Variants in LRMDA observed in about 807,000 individuals in gnomAD.
The protein encoded by LRMDA is leucine-rich melanocyte differentiation-associated protein.
LRMDA carries 18 observed loss-of-function variants against 29.8 expected under a neutral mutation model. The observed-to-expected ratio is 0.60, with a 90% CI of 0.42 to 0.90. LRMDA has a LOEUF of 0.90. Among genes scored for constraint, LRMDA ranks in the 40% least tolerant of loss-of-function variants. The pLI, the probability that LRMDA is intolerant of heterozygous loss-of-function variation, is 0.00. For synonymous variants in LRMDA, 125 were observed against 109.4 expected, an observed-to-expected ratio of 1.14 and a Z score of -0.89; for missense variants, 273 against 273.9, an observed-to-expected ratio of 1.00 and a Z score of 0.02.
rs200041382 is a variant in LRMDA at position 76,261,461 on chromosome 10, T to C, written c.517-62940T>C. On this transcript the variant is annotated intron_variant, in intron 5 of 6. Coordinates refer to ENST00000611255, the MANE Select transcript of LRMDA (RefSeq NM_001305581.2). Reference sequence around the variant, plus strand: ...TCATGTCCATCAGAATCATATGAAATGAAAGGTGGAAGGCACTGGTTCTAA... The same window carrying C: ...TCATGTCCATCAGAATCATATGAAACGAAAGGTGGAAGGCACTGGTTCTAA... Among the ~76,000 whole-genome samples, 12 of 151,712 alleles carry C rather than the reference T, an allele frequency of 7.9e-5. No homozygotes were observed. In the East Asian group the frequency reaches 2.3e-3, roughly 29 times the overall value.
At chr10:75,744,694 T>C (rs757228929) in intron 2 of LRMDA, among the ~76,000 whole-genome samples, 1 of 152,136 alleles carries the variant, frequency 6.6e-6, no homozygotes, top group Admixed American at 6.5e-5. Flanking sequence ...ATCTGCCAAT[T>C]TGTAGTTCGG....
chr10:75,923,958 T>C (rs2132392616), intron 2 of LRMDA, among the ~76,000 whole-genome samples: 1 of 152,304 alleles, frequency 6.6e-6, no homozygotes, highest in African/African-American at 2.4e-5. Context: ...AGTCCCTTAT[T>C]CATTTCCTCG....
chr10:75,540,129 G>A (rs1480114985), intron 2 of LRMDA, among the ~76,000 whole-genome samples: 1 of 152,152 alleles, frequency 6.6e-6, no homozygotes, highest in Non-Finnish European at 1.5e-5. Context: ...AAATAAAGCA[G>A]GAGTAAAGGG....
intron 6 of LRMDA, among the ~76,000 whole-genome samples, chr10:76,337,281 C>G (rs892410563): frequency 2.6e-5 from 4 of 152,076 alleles, no homozygotes; most frequent in Admixed American, 6.5e-5. Context: ...ATGTTCTAGT[C>G]AGAGAGAGGA....
At chr10:75,622,700 C>T (rs1002866678) in intron 2 of LRMDA, among the ~76,000 whole-genome samples, 1 of 152,172 alleles carries the variant, frequency 6.6e-6, no homozygotes, top group African/African-American at 2.4e-5. Context: ...CTTACCCATT[C>T]TGAGAAAGAA....
At chr10:75,844,121 A>G (rs1399414513) in intron 2 of LRMDA, among the ~76,000 whole-genome samples, 1 of 152,162 alleles carries the variant, frequency 6.6e-6, no homozygotes, top group Non-Finnish European at 1.5e-5. Context: ...TGAAAAATCA[A>G]ATGAGAAATG....
chr10:75,872,345 C>G (rs1348440173), intron 2 of LRMDA, among the ~76,000 whole-genome samples: 2 of 151,836 alleles, frequency 1.3e-5, no homozygotes, highest in African/African-American at 4.8e-5. Flanking sequence ...GCTCTGTAGC[C>G]CAGGCTGGAG....
chr10:76,474,237 T>G (rs1167967633), intron 6 of LRMDA, among the ~76,000 whole-genome samples: 3 of 151,528 alleles, frequency 2.0e-5, no homozygotes, highest in Admixed American at 2.0e-4. Flanking sequence ...TATTAGTAAA[T>G]CAAAGCCCTA....
At chr10:76,223,685 G>C (rs1003625233) in intron 5 of LRMDA, among the ~76,000 whole-genome samples, 1 of 152,108 alleles carries the variant, frequency 6.6e-6, no homozygotes, top group Non-Finnish European at 1.5e-5. Context: ...GCTCCAGAGA[G>C]GGCTCCCACC....
intron 5 of LRMDA, among the ~76,000 whole-genome samples, chr10:76,156,185 C>T (rs1850534594): frequency 6.6e-6 from 1 of 152,132 alleles, no homozygotes; most frequent in South Asian, 2.1e-4. Context: ...GTTAATGGGG[C>T]TCTTTAGTTT....
At chr10:75,890,037 G>A (rs1019306970) in intron 2 of LRMDA, among the ~76,000 whole-genome samples, 4 of 152,116 alleles carry the variant, frequency 2.6e-5, no homozygotes, top group African/African-American at 7.2e-5. Flanking sequence ...CAGAAACATG[G>A]CCCCCTTATC....
chr10:75,786,079 G>A (rs1843467860), intron 2 of LRMDA, among the ~76,000 whole-genome samples: 1 of 152,198 alleles, frequency 6.6e-6, no homozygotes, highest in Non-Finnish European at 1.5e-5. Flanking sequence ...TTCACTGCAT[G>A]CGATATGCTG....
At chr10:75,465,697 A>T (rs1384302890) in intron 2 of LRMDA, among the ~76,000 whole-genome samples, 1 of 152,152 alleles carries the variant, frequency 6.6e-6, no homozygotes, top group Non-Finnish European at 1.5e-5. Flanking sequence ...GGTTTAAAAA[A>T]CATTTCATGC....
chr10:75,559,411 C>A (rs1473481487), intron 2 of LRMDA, among the ~76,000 whole-genome samples: 1 of 151,674 alleles, frequency 6.6e-6, no homozygotes, highest in Non-Finnish European at 1.5e-5. Flanking sequence ...TGTTTGAGTT[C>A]ATTGTAGATT....
At chr10:76,311,685 G>A (rs939083511) in intron 5 of LRMDA, among the ~76,000 whole-genome samples, 8 of 152,114 alleles carry the variant, frequency 5.3e-5, no homozygotes, top group African/African-American at 1.9e-4. Context: ...TTTCATATGG[G>A]GTTGGGTAGG....
At chr10:75,710,219 T>C (rs1484409786) in intron 2 of LRMDA, among the ~76,000 whole-genome samples, 1 of 152,198 alleles carries the variant, frequency 6.6e-6, no homozygotes, top group Non-Finnish European at 1.5e-5. Flanking sequence ...AATGTGTTAA[T>C]GACAGAGAGG....
At chr10:75,811,659 C>T (rs1296795591) in intron 2 of LRMDA, among the ~76,000 whole-genome samples, 2 of 152,200 alleles carry the variant, frequency 1.3e-5, no homozygotes, top group Non-Finnish European at 2.9e-5. Flanking sequence ...AGTCCTTTTA[C>T]AGGTAAGGAT....
chr10:76,221,981 T>C (rs2132259007), intron 5 of LRMDA, among the ~76,000 whole-genome samples: 1 of 152,140 alleles, frequency 6.6e-6, no homozygotes, highest in East Asian at 1.9e-4. Flanking sequence ...TACAACTATC[T>C]GATCTTTGAC....
intron 6 of LRMDA, among the ~76,000 whole-genome samples, chr10:76,411,381 A>G (rs1481655436): frequency 1.3e-5 from 2 of 152,192 alleles, no homozygotes; most frequent in African/African-American, 2.4e-5. Context: ...CTCTAAGCCT[A>G]GTGCCAGTTC....
Sources: allele counts gnomAD v4.1 joint callset (sites outside exome capture counted in the v4.1 genomes callset), GRCh38; gene constraint gnomAD v4.1.1; transcripts MANE v1.5; gene names NCBI Gene and HGNC (gene_info 2026-07-23, HGNC 2026-07-21).